Variants in KDM2A observed in about 807,000 individuals in gnomAD.
KDM2A encodes the protein lysine demethylase 2A.
In KDM2A, 3 loss-of-function variants were observed where a neutral mutation model predicts 137.3. That is an observed-to-expected ratio of 0.02 (90% CI 0.01 to 0.06). The LOEUF (loss-of-function observed/expected upper bound fraction) is 0.06, where lower values mean the gene tolerates loss of function less well. KDM2A is among the 10% of genes least tolerant of loss of function. The pLI is 1.00. For synonymous variants in KDM2A, 512 were observed against 541.5 expected (o/e 0.95, Z 0.76); for missense variants, 738 against 1,510.6 (o/e 0.49, Z 8.48).
rs371032458 is a variant in KDM2A, at chr11:67,181,307, C to T, written c.182-13C>T. ...ATACCACTTATCTTTCTAATATTTT[C>T]CTATGGTGACAGATTTTAATGTAGA... is the stretch of plus-strand genomic sequence containing the variant. On this transcript the variant is annotated splice_polypyrimidine_tract_variant and intron_variant, in intron 3 of 20. Coordinates refer to ENST00000529006, the MANE Select transcript of KDM2A (RefSeq NM_012308.3). 129 of 1,567,312 alleles carry T rather than the reference C, an allele frequency of 8.2e-5. 1 individual carries two copies. The East Asian group carries it at 1.9e-3, about 23-fold the overall frequency.
At chr11:67,132,840 C>T (rs898142039) in intron 2 of KDM2A, among the ~76,000 whole-genome samples, 13 of 152,164 alleles carry the variant, frequency 8.5e-5, no homozygotes, top group African/African-American at 2.9e-4. Flanking sequence ...ACCAGAAACT[C>T]TGGAGTTGGG....
At chr11:67,138,180 C>T (rs770381807) in intron 2 of KDM2A, among the ~76,000 whole-genome samples, 8 of 152,038 alleles carry the variant, frequency 5.3e-5, no homozygotes, top group African/African-American at 1.4e-4. Flanking sequence ...TGTATTTGAC[C>T]GTGAGTCTCT....
intron 11 of KDM2A, among the ~76,000 whole-genome samples, chr11:67,230,496 C>T (rs751308530): frequency 6.6e-6 from 1 of 151,954 alleles, no homozygotes; most frequent in Non-Finnish European, 1.5e-5. Flanking sequence ...TGTTGGGGCA[C>T]ATGCCTCTGG....
intron 2 of KDM2A, among the ~76,000 whole-genome samples, chr11:67,141,680 A>T (rs1475320142): frequency 5.6e-4 from 43 of 76,630 alleles, no homozygotes; most frequent in African/African-American, 2.3e-3. Flanking sequence ...AAAAAAAAAA[A>T]AAATATATAT....
intron 2 of KDM2A, among the ~76,000 whole-genome samples, chr11:67,166,254 G>C (rs1359573231): frequency 6.9e-6 from 1 of 145,702 alleles, no homozygotes; most frequent in African/African-American, 2.6e-5. Context: ...GTGTGATCTC[G>C]GCTCACTGTA....
At chr11:67,252,283 C>A in intron 17 of KDM2A, 1 of 215,266 alleles carries the variant, frequency 4.6e-6, no homozygotes, top group Non-Finnish European at 9.6e-6. Flanking sequence ...GGGAACGGAG[C>A]AGGCCTTCTT....
At chr11:67,243,186 A>G in intron 13 of KDM2A, 94 bp downstream of exon 13, 3 of 892,300 alleles carry the variant, frequency 3.4e-6, no homozygotes, top group Non-Finnish European at 5.5e-6. Context: ...CTAGAGGCAG[A>G]TGGCTTTTGG....
At chr11:67,149,676 GAT>G (rs1411166552) in intron 2 of KDM2A, among the ~76,000 whole-genome samples, 1 of 149,462 alleles carries the variant, frequency 6.7e-6, no homozygotes, top group Admixed American at 6.7e-5. Flanking sequence ...GAATAGAAAA[GAT>G]AGTAATCTAA....
intron 2 of KDM2A, among the ~76,000 whole-genome samples, chr11:67,169,759 C>CTCTCTCTCTCTCTCTCTCTCT: frequency 1.5e-5 from 1 of 65,694 alleles, no homozygotes; most frequent in East Asian, 5.2e-4. Context: ...CTCTCTCTCT[C>CTCTCTCTCTCTCTCTCTCTCT]TTTTTTTTTT....
At chr11:67,136,665 G>A (rs1855975532) in intron 2 of KDM2A, among the ~76,000 whole-genome samples, 1 of 152,180 alleles carries the variant, frequency 6.6e-6, no homozygotes, top group Admixed American at 6.6e-5. Context: ...GTGATGAACA[G>A]CCAATCTTGT....
Position 67,246,134 on chromosome 11 carries a change from G to C in KDM2A, c.1965+18G>C, listed in dbSNP as rs773288537. 3.7e-6 allele frequency: 6 copies of C among 1,613,072 alleles called. No individual in the cohort carries two copies. Among genetic ancestry groups the C allele is most frequent in the South Asian group, 1.1e-5 (1 of 90,882 alleles). Reference sequence around the variant, plus strand: ...GCCTCCAGGTGAGGAGAGCTATGAGGGGTTCCTGAAGTCTCAGCTAATGGA... The same window carrying C: ...GCCTCCAGGTGAGGAGAGCTATGAGCGGTTCCTGAAGTCTCAGCTAATGGA... On this transcript the variant is annotated intron_variant, in intron 15 of 20. Transcript: ENST00000529006.
At chr11:67,237,836 A>C (rs560721276) in intron 12 of KDM2A, among the ~76,000 whole-genome samples, 41 of 152,006 alleles carry the variant, frequency 2.7e-4, no homozygotes, top group African/African-American at 8.9e-4. Context: ...AGTCCCAGCT[A>C]CTCAGGAGGC....
chr11:67,254,466 C>A lies in KDM2A; in HGVS notation c.3307+48C>A. ...AATCAGCGGTGCCCCCTGCCTCCAG[C>A]CCTCCCTGGAACTTGATCAGTAAAC... is the stretch of plus-strand genomic sequence containing the variant. On this transcript the variant is annotated intron_variant, in intron 20 of 20. Coordinates refer to ENST00000529006, the MANE Select transcript of KDM2A (RefSeq NM_012308.3). The surrounding 1 kb of genome is among the most constrained non-coding windows in gnomAD (Gnocchi z 4.7). 1 of 1,516,658 alleles carries A rather than the reference C, an allele frequency of 6.6e-7. No individual in the cohort carries two copies. The allele number at this position is 1,516,658 out of a possible 1,614,324, so 94.0% of individuals were successfully genotyped here. A position where few individuals can be genotyped will look rare whatever the true frequency, so the allele number is the denominator to read the frequency against.
chr11:67,152,333 G>A (rs1314110770), intron 2 of KDM2A, among the ~76,000 whole-genome samples: 1 of 150,408 alleles, frequency 6.6e-6, no homozygotes, highest in Non-Finnish European at 1.5e-5. Context: ...TAATTTCCCT[G>A]GGTTGGGTGC....
chr11:67,144,073 G>T (rs1043611641), intron 2 of KDM2A, among the ~76,000 whole-genome samples: 3 of 150,138 alleles, frequency 2.0e-5, no homozygotes, highest in Non-Finnish European at 4.4e-5. Context: ...CTCCTGAGTA[G>T]CTGGGATTAT....
At chr11:67,199,906 CTT>C (rs1296747594) in intron 5 of KDM2A, among the ~76,000 whole-genome samples, 1 of 152,168 alleles carries the variant, frequency 6.6e-6, no homozygotes, top group South Asian at 2.1e-4. Context: ...AGTTGACTCT[CTT>C]GTTAGGGGCT....
chr11:67,250,023 G>C lies in KDM2A; in HGVS notation c.2056-63G>C, dbSNP rs1859360392. 3 of 1,366,458 alleles carry C rather than the reference G, an allele frequency of 2.2e-6. No individual in the cohort carries two copies. The highest frequency in any genetic ancestry group is 4.4e-5 in the Admixed American group (2 of 45,928). 84.6% of individuals were successfully genotyped at this position (1,366,458 alleles called of 1,614,324 possible). A position where few individuals can be genotyped will look rare whatever the true frequency, so the allele number is the denominator to read the frequency against. ...CCTGAGAGCAAGGGAGGTCCACCCT[G>C]TCGGTTCAGAGGGTTTGGAAGAAAG... is the stretch of plus-strand genomic sequence containing the variant. On this transcript the variant is annotated intron_variant, in intron 16 of 20. Transcript: ENST00000529006. This position sits in a 1 kb window ranked among gnomAD's most constrained non-coding sequence, Gnocchi z 7.1.
At chr11:67,232,440 A>G (rs1858744247) in intron 12 of KDM2A, among the ~76,000 whole-genome samples, 1 of 152,206 alleles carries the variant, frequency 6.6e-6, no homozygotes, top group African/African-American at 2.4e-5. Context: ...TGGGAAAAGC[A>G]TCATTTTAAA....
intron 2 of KDM2A, among the ~76,000 whole-genome samples, chr11:67,169,759 C>CTCTCTCCCT (rs756503460): frequency 1.5e-5 from 1 of 65,696 alleles, no homozygotes; most frequent in African/African-American, 8.2e-5. Context: ...CTCTCTCTCT[C>CTCTCTCCCT]TTTTTTTTTT....
Sources: gnomAD v4.1 joint callset for allele counts (sites outside exome capture counted in the v4.1 genomes callset) on GRCh38, gnomAD v4.1.1 for gene constraint, Gnocchi (gnomAD v3.1) non-coding constraint, MANE v1.5 for transcripts, NCBI Gene and HGNC (gene_info 2026-07-23, HGNC 2026-07-21) for gene names.